Variants in MALRD1 observed in about 807,000 individuals in gnomAD.
MALRD1 encodes MAM and LDL-receptor class A domain-containing protein 1.
In MALRD1, 247 loss-of-function variants were observed where a neutral mutation model predicts 242.1. That is an observed-to-expected ratio of 1.02 (90% confidence interval 0.92 to 1.13). The LOEUF (loss-of-function observed/expected upper bound fraction) is 1.13. Ranked by LOEUF, MALRD1 falls within the 50% of genes most tolerant of loss-of-function variation. The pLI, the probability that MALRD1 is intolerant of heterozygous loss-of-function variation, is 0.00. For missense variants in MALRD1, 2,989 were observed against 2,533.1 expected, an observed-to-expected ratio of 1.18 and a Z score of -3.86; for synonymous variants, 995 against 866.6, an observed-to-expected ratio of 1.15 and a Z score of -2.60.
At chr10:19,688,870 G>A (rs1038253730) in intron 36 of MALRD1, among the ~76,000 whole-genome samples, 4 of 152,192 alleles carry the variant, frequency 2.6e-5, no homozygotes, top group Non-Finnish European at 5.9e-5. Context: ...GATATTCCAT[G>A]GAGAAGGTTT....
At chr10:19,137,753 C>T (rs1833401300) in intron 10 of MALRD1, among the ~76,000 whole-genome samples, 1 of 151,938 alleles carries the variant, frequency 6.6e-6, no homozygotes, top group South Asian at 2.1e-4. Context: ...ACTATTCAAG[C>T]ATAGTCATAG....
At chr10:19,358,698 A>G (rs748387778) in intron 26 of MALRD1, among the ~76,000 whole-genome samples, 1 of 152,184 alleles carries the variant, frequency 6.6e-6, no homozygotes, top group African/African-American at 2.4e-5. Flanking sequence ...AGATAGTAAC[A>G]TATAGCACTT....
At chr10:19,461,815 A>G (rs1835960575) in intron 29 of MALRD1, among the ~76,000 whole-genome samples, 2 of 152,018 alleles carry the variant, frequency 1.3e-5, no homozygotes, top group South Asian at 4.1e-4. Context: ...CTGCACCCCA[A>G]CCTGGGTGAC....
intron 17 of MALRD1, among the ~76,000 whole-genome samples, chr10:19,207,918 G>A (rs1427060654): frequency 6.6e-6 from 1 of 152,164 alleles, no homozygotes; most frequent in African/African-American, 2.4e-5. Context: ...CCATTATTAA[G>A]TAAAATAAGG....
rs778165554 is a variant in MALRD1, at chr10:19,209,519, C to T, written c.2830C>T (p.Arg944Cys). 2.4e-5 allele frequency: 37 copies of T among 1,550,620 alleles called. No individual in the cohort carries two copies. Among genetic ancestry groups the T allele is most frequent in the Admixed American group, 3.9e-5 (2 of 50,970 alleles). Residue 944 changes from arginine to cysteine, a missense_variant, in exon 18 of 40, where the codon CGC becomes TGC. Arg to Cys is a radical substitution (Grantham distance 180). Coordinates refer to ENST00000454679, the MANE Select transcript of MALRD1 (RefSeq NM_001142308.3). ...CACTGATACAAAAGGCTGCACCTTC[C>T]GCTTCTATTACCACATGTTTGGAAA... ...NATDTKGCTF[R>C]FYYHMFGKRI...
intron 12 of MALRD1, among the ~76,000 whole-genome samples, chr10:19,164,262 A>C (rs80278031): frequency 1.3e-5 from 2 of 152,138 alleles, no homozygotes; most frequent in Non-Finnish European, 2.9e-5. Context: ...TTGGTGTTTT[A>C]AAATGAACAA....
chr10:19,409,248 G>C (rs1313030372), intron 28 of MALRD1, among the ~76,000 whole-genome samples: 1 of 152,120 alleles, frequency 6.6e-6, no homozygotes, highest in African/African-American at 2.4e-5. Context: ...CTAATTTTTT[G>C]ATTCCATTCA....
At chr10:19,480,470 A>G (rs969257381) in intron 29 of MALRD1, among the ~76,000 whole-genome samples, 2 of 152,206 alleles carry the variant, frequency 1.3e-5, no homozygotes, top group African/African-American at 4.8e-5. Flanking sequence ...TGAGACATTG[A>G]CAGGGTGCCA....
intron 19 of MALRD1, among the ~76,000 whole-genome samples, chr10:19,278,558 C>T (rs563873252): frequency 1.7e-4 from 26 of 152,010 alleles, no homozygotes; most frequent in Non-Finnish European, 3.4e-4. Flanking sequence ...TACCATATGC[C>T]ATGGTCCATG....
chr10:19,450,702 A>G lies in MALRD1; in HGVS notation c.5029+212A>G, dbSNP rs528630499. Among the ~76,000 whole-genome samples the G allele has an allele frequency of 2.0e-5, 3 of 152,358 alleles. No homozygotes were observed. The East Asian group carries it at 5.8e-4, about 29-fold the overall frequency. On this transcript the variant is annotated intron_variant, in intron 29 of 39. Transcript: ENST00000454679. ...TTGGGCTGCTGTTACAAAATGCCATAAGCTGGGTAGCATATAAACAACAGA... is the reference window on the plus strand; with the variant it reads ...TTGGGCTGCTGTTACAAAATGCCATGAGCTGGGTAGCATATAAACAACAGA...
intron 12 of MALRD1, among the ~76,000 whole-genome samples, chr10:19,161,784 C>G (rs889774341): frequency 8.5e-5 from 13 of 152,108 alleles, no homozygotes; most frequent in African/African-American, 3.1e-4. Context: ...AATCCCAGCA[C>G]TTTGGAAGGC....
At chr10:19,577,849 A>G (rs1260842563) in intron 33 of MALRD1, among the ~76,000 whole-genome samples, 1 of 152,120 alleles carries the variant, frequency 6.6e-6, no homozygotes, top group Non-Finnish European at 1.5e-5. Flanking sequence ...TCACTTTTGG[A>G]AATTATAACC....
chr10:19,555,886 T>G (rs1430626641), intron 32 of MALRD1, among the ~76,000 whole-genome samples: 5 of 152,096 alleles, frequency 3.3e-5, no homozygotes, highest in Non-Finnish European at 7.4e-5. Flanking sequence ...AGTCCAAAAT[T>G]AGAGATAGAA....
intron 36 of MALRD1, among the ~76,000 whole-genome samples, chr10:19,639,279 A>G (rs573677080): frequency 4.1e-4 from 62 of 152,158 alleles, no homozygotes; most frequent in Non-Finnish European, 4.0e-4. Flanking sequence ...TGAGTTTATT[A>G]TTTGTCTCTA....
At position 19,625,198 on chromosome 10, in the gene MALRD1, C is replaced by G. The variant is rs1277907044; in HGVS notation, c.6137+9275C>G. ...TATGCTCAACCCTTGTGGATGTTGC[C>G]TCTTTGAAGATCTGACTAGACGGCT... On this transcript the variant is annotated intron_variant, in intron 36 of 39. Transcript: ENST00000454679. Among the ~76,000 whole-genome samples the G allele has an allele frequency of 2.6e-5, 4 of 152,084 alleles. No individual in the cohort carries two copies. The East Asian group carries it at 7.7e-4, about 29-fold the overall frequency.
At chr10:19,573,431 G>A (rs898516210) in intron 33 of MALRD1, among the ~76,000 whole-genome samples, 1 of 152,122 alleles carries the variant, frequency 6.6e-6, no homozygotes, top group Non-Finnish European at 1.5e-5. Flanking sequence ...GCAAGGAAGT[G>A]GTCTCATGGA....
intron 33 of MALRD1, among the ~76,000 whole-genome samples, chr10:19,584,598 T>G (rs1443626745): frequency 6.6e-6 from 1 of 152,154 alleles, no homozygotes; most frequent in Admixed American, 6.5e-5. Flanking sequence ...GATAGTTTGT[T>G]ATAATTTCTG....
intron 35 of MALRD1, among the ~76,000 whole-genome samples, chr10:19,612,717 C>G (rs1252044417): frequency 2.0e-5 from 3 of 151,874 alleles, no homozygotes; most frequent in Admixed American, 1.3e-4. Flanking sequence ...GATGGAAGAC[C>G]AAGCAAGCAC....
chr10:19,097,060 A>T (rs1836065338), intron 4 of MALRD1, among the ~76,000 whole-genome samples: 1 of 152,220 alleles, frequency 6.6e-6, no homozygotes, highest in Non-Finnish European at 1.5e-5. Context: ...AGGAATAATA[A>T]CAACTAAAAT....
Sources: gnomAD v4.1 joint callset for allele counts (sites outside exome capture counted in the v4.1 genomes callset) on GRCh38, gnomAD v4.1.1 for gene constraint, MANE v1.5 for transcripts, NCBI Gene and HGNC (gene_info 2026-07-23, HGNC 2026-07-21) for gene names.